Variants in SORCS2 observed in about 807,000 individuals in gnomAD.
SORCS2 encodes sortilin related VPS10 domain containing receptor 2, also known as VPS10 domain-containing receptor SorCS2.
In SORCS2, 100 loss-of-function variants were observed where a neutral mutation model predicts 141.6. That is an observed-to-expected ratio of 0.71 (90% CI 0.60 to 0.83). The LOEUF is 0.83. SORCS2 is among the 40% of genes least tolerant of loss of function. SORCS2 has a pLI of 0.00. For missense variants in SORCS2, 1,646 were observed against 1,560.2 expected (o/e 1.05, Z -0.93); for synonymous variants, 789 against 676.9 (o/e 1.17, Z -2.57).
intron 2 of SORCS2, among the ~76,000 whole-genome samples, chr4:7,416,495 C>G (rs1202589607): frequency 1.3e-5 from 2 of 152,074 alleles, no homozygotes; most frequent in Non-Finnish European, 2.9e-5. Context: ...CACGCTCACA[C>G]AGACACGCAC....
At chr4:7,520,361 T>A (rs1030918565) in intron 2 of SORCS2, among the ~76,000 whole-genome samples, 2 of 152,090 alleles carry the variant, frequency 1.3e-5, no homozygotes, top group African/African-American at 4.8e-5. Context: ...GAAGAGTAAA[T>A]TGAGGAGGTG....
In SORCS2 at chr4:7,627,737, G is replaced by C. The variant is rs150229564; in HGVS notation, c.649-10591G>C. Among the ~76,000 whole-genome samples, 663 of 152,280 alleles carry C rather than the reference G, an allele frequency of 4.4e-3. 8 individuals carry two copies. Among genetic ancestry groups the C allele is most frequent in the African/African-American group, 0.015 (635 of 41,540 alleles). Reference sequence around the variant, plus strand: ...CAGGCTGGAATGAAGGCGTGCCCTCGGTCCACACAAGAGAAGGTTTCAGAT... The same window carrying C: ...CAGGCTGGAATGAAGGCGTGCCCTCCGTCCACACAAGAGAAGGTTTCAGAT... On this transcript the variant is annotated intron_variant, in intron 3 of 26. Coordinates refer to ENST00000507866, the MANE Select transcript of SORCS2 (RefSeq NM_020777.3).
intron 4 of SORCS2, among the ~76,000 whole-genome samples, chr4:7,640,232 G>A (rs1720612364): frequency 6.6e-6 from 1 of 150,770 alleles, no homozygotes; most frequent in Non-Finnish European, 1.5e-5. Flanking sequence ...ATGAGCGTGT[G>A]TGTGTGAGAA....
intron 3 of SORCS2, among the ~76,000 whole-genome samples, chr4:7,625,318 C>A (rs80203818): frequency 0.012 from 1,780 of 152,230 alleles, 13 homozygotes; most frequent in Middle Eastern, 0.017. Context: ...ATGCCAACAT[C>A]ATGGCTCACA....
chr4:7,618,695 T>C (rs1718925140), intron 3 of SORCS2, among the ~76,000 whole-genome samples: 1 of 152,156 alleles, frequency 6.6e-6, no homozygotes, highest in Non-Finnish European at 1.5e-5. Context: ...GGAACATTTT[T>C]CCTTACCCTC....
intron 3 of SORCS2, among the ~76,000 whole-genome samples, chr4:7,621,501 G>A (rs1474429211): frequency 1.3e-5 from 2 of 151,274 alleles, no homozygotes; most frequent in African/African-American, 4.9e-5. Flanking sequence ...GTGTGTCTAT[G>A]TGTGTCTGTA....
intron 2 of SORCS2, among the ~76,000 whole-genome samples, chr4:7,401,173 T>TGATG (rs766421302): frequency 5.9e-5 from 8 of 136,280 alleles, no homozygotes; most frequent in South Asian, 4.8e-4. Flanking sequence ...ATGAGTGGAT[T>TGATG]GATGGATGGA....
At chr4:7,434,357 G>C (rs1411555859) in intron 2 of SORCS2, 1 of 1,608,232 alleles carries the variant, frequency 6.2e-7, no homozygotes, top group African/African-American at 1.3e-5. Flanking sequence ...GCCTGGCGGG[G>C]GTGGAAGGTA....
intron 1 of SORCS2, among the ~76,000 whole-genome samples, chr4:7,217,249 C>T (rs1212667499): frequency 2.6e-5 from 4 of 152,176 alleles, no homozygotes; most frequent in African/African-American, 9.7e-5. Context: ...GGCGCTTGCC[C>T]CACTGCCACC....
chr4:7,198,213 C>T (rs908330723), intron 1 of SORCS2, among the ~76,000 whole-genome samples: 1 of 152,244 alleles, frequency 6.6e-6, no homozygotes, highest in African/African-American at 2.4e-5. Flanking sequence ...GTGGCTGCCC[C>T]GGCTCTGCAG....
Position 7,192,911 on chromosome 4 carries a change from A to G in SORCS2, c.265A>G (p.Thr89Ala). Residue 89 changes from threonine (T) to alanine (A), a missense_variant, in exon 1 of 27, where the codon ACG becomes GCG. By Grantham distance (58) the Thr-to-Ala change is moderately conservative. Transcript: ENST00000507866. This position sits in a 1 kb window ranked among gnomAD's most constrained non-coding sequence, Gnocchi z 4.0. ...GGGEDRQARG[T>A]EPGAPGPSPG... ...CGGCGAGGACCGGCAGGCGCGCGGC[A>G]CGGAGCCAGGCGCCCCGGGTCCGAG... 1 of 1,189,756 alleles carries G rather than the reference A, an allele frequency of 8.4e-7. No individual in the cohort carries two copies. Among genetic ancestry groups the G allele is most frequent in the Non-Finnish European group, 1.0e-6 (1 of 962,694 alleles). 73.7% of individuals were successfully genotyped at this position (1,189,756 alleles called of 1,614,324 possible). A position where few individuals can be genotyped will look rare whatever the true frequency, so the allele number is the denominator to read the frequency against.
rs1370012778 is a variant in SORCS2, at chr4:7,710,796, G to A, written c.1869-1937G>A. Among the ~76,000 whole-genome samples, 5 of 152,248 alleles carry A rather than the reference G, an allele frequency of 3.3e-5. No homozygotes were observed. The South Asian group carries it at 8.3e-4, about 25-fold the overall frequency. On this transcript the variant is annotated intron_variant, in intron 14 of 26. Transcript: ENST00000507866. ...GGACGGACGCGGCAGAGTCACAGCC[G>A]TACCTGGGGGCCTTCCCCTGTCCTT...
intron 8 of SORCS2, among the ~76,000 whole-genome samples, chr4:7,672,609 C>A (rs780496055): frequency 2.4e-4 from 37 of 151,648 alleles, no homozygotes; most frequent in Admixed American, 1.8e-3. Context: ...TGTAGATACC[C>A]TTTCTACCTG....
intron 3 of SORCS2, among the ~76,000 whole-genome samples, chr4:7,559,539 C>T (rs923592977): frequency 1.3e-5 from 2 of 152,096 alleles, no homozygotes; most frequent in African/African-American, 4.8e-5. Flanking sequence ...GTGGTGCCAG[C>T]GGGGGCCCAG....
Position 7,704,796 on chromosome 4 carries a change from G to T in SORCS2, c.1868+512G>T, listed in dbSNP as rs149655042. On this transcript the variant is annotated intron_variant, in intron 14 of 26. Coordinates refer to ENST00000507866, the MANE Select transcript of SORCS2 (RefSeq NM_020777.3). ...GGGACATGCGGCGTTCGACTGCACC[G>T]CTGCGGCCGCAATGGGAGACAGCCG... Among the ~76,000 whole-genome samples the T allele has an allele frequency of 4.2e-3, 646 of 152,332 alleles. 7 individuals carry two copies. The highest frequency in any genetic ancestry group is 0.015 in the African/African-American group (626 of 41,576).
At chr4:7,707,354 C>G (rs1725537051) in intron 14 of SORCS2, among the ~76,000 whole-genome samples, 1 of 152,288 alleles carries the variant, frequency 6.6e-6, no homozygotes, top group Admixed American at 6.5e-5. Flanking sequence ...AGGATGGAAG[C>G]TGGACGTCGG....
intron 2 of SORCS2, among the ~76,000 whole-genome samples, chr4:7,474,429 CTT>C (rs1384246178): frequency 6.6e-6 from 1 of 152,226 alleles, no homozygotes; most frequent in Non-Finnish European, 1.5e-5. Context: ...AAACCCCACT[CTT>C]CAGATATTGG....
At chr4:7,650,654 G>C (rs1484716685) in intron 4 of SORCS2, among the ~76,000 whole-genome samples, 1 of 152,048 alleles carries the variant, frequency 6.6e-6, no homozygotes, top group South Asian at 2.1e-4. Flanking sequence ...CAGAGGCCAT[G>C]ACAGGGAGGC....
At chr4:7,322,192 C>T (rs1428216328) in intron 1 of SORCS2, among the ~76,000 whole-genome samples, 1 of 152,208 alleles carries the variant, frequency 6.6e-6, no homozygotes. Flanking sequence ...CCCACATGGC[C>T]AGGGCCTGGA....
Sources: gnomAD v4.1 joint callset for allele counts (sites outside exome capture counted in the v4.1 genomes callset) on GRCh38, gnomAD v4.1.1 for gene constraint, Gnocchi (gnomAD v3.1) non-coding constraint, MANE v1.5 for transcripts, NCBI Gene and HGNC (gene_info 2026-07-23, HGNC 2026-07-21) for gene names.